Variants in RAPGEF5 observed in about 807,000 individuals in gnomAD.
RAPGEF5 encodes M-Ras-regulated GEF.
RAPGEF5 carries 65 observed loss-of-function variants against 125.2 expected under a neutral mutation model. The observed-to-expected ratio is 0.52, with a 90% CI of 0.43 to 0.64. The LOEUF is 0.64. Ranked by LOEUF, RAPGEF5 falls within the 30% of genes least tolerant of loss-of-function variation. RAPGEF5 has a pLI of 0.00. For synonymous variants in RAPGEF5, 391 were observed against 385.9 expected (o/e 1.01, Z -0.16); for missense variants, 958 against 1,048.1 (o/e 0.91, Z 1.19).
rs77407397 is a variant in RAPGEF5 at position 22,160,799 on chromosome 7, G to C, written c.1429-184C>G. Among the ~76,000 whole-genome samples the C allele has an allele frequency of 5.1e-3, 775 of 152,258 alleles. 12 individuals carry two copies. The highest frequency in any genetic ancestry group is 0.018 in the African/African-American group (745 of 41,532). On this transcript the variant is annotated intron_variant, in intron 13 of 25. Transcript: ENST00000665637. ...TCGCAGCTCCTCTCTCAACTGCCAT[G>C]GCTCTCTATCTGCTTTCAGGGCCAT...
intron 11 of RAPGEF5, among the ~76,000 whole-genome samples, chr7:22,177,002 T>C (rs560710361): frequency 6.6e-6 from 1 of 152,320 alleles, no homozygotes; most frequent in African/African-American, 2.4e-5. Flanking sequence ...CCAGAGCTGT[T>C]ATTAGTGTTC....
intron 9 of RAPGEF5, among the ~76,000 whole-genome samples, chr7:22,198,471 A>G (rs905004602): frequency 6.6e-6 from 1 of 152,242 alleles, no homozygotes; most frequent in Admixed American, 6.5e-5. Context: ...GCTTGAGAGT[A>G]GCTCATGTGA....
At chr7:22,167,285 T>A (rs1195336296) in intron 11 of RAPGEF5, 137 bp from the exon 12 acceptor site, 4 of 594,382 alleles carry the variant, frequency 6.7e-6, no homozygotes, top group Admixed American at 6.2e-5. Context: ...TTAGGAGAAT[T>A]TTAGCCAGGA....
intron 11 of RAPGEF5, among the ~76,000 whole-genome samples, chr7:22,183,685 C>A (rs1035952941): frequency 5.9e-5 from 9 of 152,202 alleles, no homozygotes; most frequent in African/African-American, 2.2e-4. Flanking sequence ...GAGGTCAGCA[C>A]TGAAACTGAC....
intron 7 of RAPGEF5, among the ~76,000 whole-genome samples, chr7:22,255,641 C>T (rs556751532): frequency 7.3e-4 from 111 of 152,166 alleles, no homozygotes; most frequent in Middle Eastern, 6.8e-3. Flanking sequence ...CCATTTTATA[C>T]ACTTTGATAT....
intron 11 of RAPGEF5, among the ~76,000 whole-genome samples, chr7:22,178,777 T>C (rs753020724): frequency 1.3e-5 from 2 of 152,274 alleles, no homozygotes; most frequent in East Asian, 1.9e-4. Flanking sequence ...GTAGGCATGA[T>C]TGATTAAATC....
intron 22 of RAPGEF5, 135 bp downstream of exon 22, chr7:22,136,798 C>T (rs1783091728): frequency 1.4e-6 from 1 of 717,076 alleles, no homozygotes; most frequent in East Asian, 2.9e-5. Flanking sequence ...AGCAAAGCTA[C>T]AGTTTCATAT....
At chr7:22,239,917 GT>G (rs556818073) in intron 7 of RAPGEF5, among the ~76,000 whole-genome samples, 2 of 150,794 alleles carry the variant, frequency 1.3e-5, no homozygotes, top group Non-Finnish European at 3.0e-5. Flanking sequence ...TGGAAAAAAG[GT>G]TTTTTTTTGG....
intron 9 of RAPGEF5, chr7:22,194,476 GAGTA>G (rs920670631): frequency 1.8e-5 from 11 of 624,670 alleles, no homozygotes; most frequent in African/African-American, 2.0e-5. Flanking sequence ...TTAAGACAAT[GAGTA>G]AGCCCTATTC....
At chr7:22,277,427 T>G (rs1473298338) in intron 6 of RAPGEF5, among the ~76,000 whole-genome samples, 2 of 152,226 alleles carry the variant, frequency 1.3e-5, no homozygotes, top group Non-Finnish European at 2.9e-5. Flanking sequence ...CCCATTTTAC[T>G]GCTTAATATC....
intron 7 of RAPGEF5, among the ~76,000 whole-genome samples, chr7:22,233,601 T>A (rs971885253): frequency 5.9e-5 from 9 of 152,146 alleles, no homozygotes; most frequent in Non-Finnish European, 1.2e-4. Context: ...TGCACGATCA[T>A]GCCTCACTGC....
At chr7:22,349,417 C>T (rs1457847359) in intron 1 of RAPGEF5, among the ~76,000 whole-genome samples, 1 of 119,854 alleles carries the variant, frequency 8.3e-6, no homozygotes, top group African/African-American at 3.1e-5. Flanking sequence ...GAGTGAGACT[C>T]CATCCAAAAA....
At chr7:22,330,057 T>C (rs1259116038) in intron 1 of RAPGEF5, among the ~76,000 whole-genome samples, 1 of 152,124 alleles carries the variant, frequency 6.6e-6, no homozygotes, top group African/African-American at 2.4e-5. Flanking sequence ...CAACATAACA[T>C]TTCCACTCTC....
At chr7:22,258,203 G>T (rs549575038) in intron 7 of RAPGEF5, among the ~76,000 whole-genome samples, 1 of 152,180 alleles carries the variant, frequency 6.6e-6, no homozygotes, top group African/African-American at 2.4e-5. Flanking sequence ...TATGGAGAGA[G>T]AAAAAACTGA....
intron 12 of RAPGEF5, chr7:22,163,007 A>C (rs1478862170): frequency 2.2e-6 from 1 of 456,712 alleles, no homozygotes; most frequent in East Asian, 6.9e-5. Context: ...AAATGAGTAT[A>C]GATTTCTGCA....
At chr7:22,333,269 G>C (rs112383298) in intron 1 of RAPGEF5, among the ~76,000 whole-genome samples, 3 of 152,078 alleles carry the variant, frequency 2.0e-5, no homozygotes, top group Non-Finnish European at 4.4e-5. Context: ...CAGATACAGT[G>C]GGGGGTCAGG....
intron 3 of RAPGEF5, among the ~76,000 whole-genome samples, chr7:22,315,062 G>A (rs1226345239): frequency 6.6e-6 from 1 of 152,096 alleles, no homozygotes; most frequent in Non-Finnish European, 1.5e-5. Flanking sequence ...AGACCCTAAT[G>A]TAGCACCACC....
chr7:22,292,628 G>T (rs911535582), intron 5 of RAPGEF5, among the ~76,000 whole-genome samples: 26 of 152,256 alleles, frequency 1.7e-4, no homozygotes, highest in African/African-American at 6.3e-4. Context: ...AGAACAGACT[G>T]GAAACGCTTT....
At chr7:22,243,826 C>CATT (rs1786402240) in intron 7 of RAPGEF5, among the ~76,000 whole-genome samples, 2 of 152,250 alleles carry the variant, frequency 1.3e-5, no homozygotes, top group African/African-American at 4.8e-5. Context: ...ATAGATACTA[C>CATT]ATTATTATTA....
Sources: gnomAD v4.1 joint callset for allele counts (sites outside exome capture counted in the v4.1 genomes callset) on GRCh38, gnomAD v4.1.1 for gene constraint, MANE v1.5 for transcripts, NCBI Gene and HGNC (gene_info 2026-07-23, HGNC 2026-07-21) for gene names.